Variants in PPFIA4 observed in about 807,000 individuals in gnomAD.
PPFIA4 encodes liprin-alpha-4.
Under a neutral mutation model 145.7 loss-of-function variants are expected in PPFIA4, and 98 were observed. The observed-to-expected ratio is 0.67, with a 90% CI of 0.57 to 0.80. The LOEUF is 0.80. Among genes scored for constraint, PPFIA4 ranks in the 30% least tolerant of loss-of-function variants. The probability of loss-of-function intolerance (pLI) is 0.00; values close to 1 mark genes in which losing one functional copy is unlikely to be tolerated. For synonymous variants in PPFIA4, 628 were observed against 649.6 expected, an observed-to-expected ratio of 0.97 and a Z score of 0.51; for missense variants, 1,457 against 1,632.7, an observed-to-expected ratio of 0.89 and a Z score of 1.85.
At chr1:203,046,506 C>A in intron 9 of PPFIA4, 124 bp downstream of exon 9, 1 of 1,160,918 alleles carries the variant, frequency 8.6e-7, no homozygotes. Flanking sequence ...TGCTTCCCGC[C>A]GTGTGATTCC....
intron 2 of PPFIA4, among the ~76,000 whole-genome samples, chr1:203,039,627 T>C (rs1324333638): frequency 6.6e-6 from 1 of 152,194 alleles, no homozygotes; most frequent in Non-Finnish European, 1.5e-5. Flanking sequence ...GATCATCTCG[T>C]CCAGCTCCGT....
intron 1 of PPFIA4, chr1:203,035,416 G>A (rs1571661044): frequency 2.3e-6 from 1 of 428,124 alleles, no homozygotes; most frequent in East Asian, 7.2e-5. Flanking sequence ...AGGTGGGGGT[G>A]ACTTTTGGGA....
At chr1:203,058,821 C>G (rs184614280) in intron 19 of PPFIA4, among the ~76,000 whole-genome samples, 3 of 152,268 alleles carry the variant, frequency 2.0e-5, no homozygotes. Flanking sequence ...TCTCTCTGAG[C>G]CTTGTAGCCC....
Position 203,066,024 on chromosome 1 carries a change from G to A in PPFIA4, c.3051-1671G>A, listed in dbSNP as rs891250049. ...GGCTGGCTAAGCCCTTGTATTTATT[G>A]TCACCTGCAAGAGAGGTGTGACCCC... On this transcript the variant is annotated intron_variant, in intron 25 of 29. Transcript: ENST00000295706. 5.9e-5 allele frequency among the ~76,000 whole-genome samples: 9 copies of A among 152,322 alleles called. No individual in the cohort carries two copies. The East Asian group carries it at 1.7e-3, about 29-fold the overall frequency.
At chr1:203,051,183 A>G (rs1660477706) in intron 13 of PPFIA4, 1 of 985,168 alleles carries the variant, frequency 1.0e-6, no homozygotes, top group Non-Finnish European at 1.2e-6. Flanking sequence ...GGGGCAAAGT[A>G]TTTTCTCTGG....
chr1:203,035,805 CAG>C (rs36077533), intron 1 of PPFIA4, among the ~76,000 whole-genome samples: 1 of 151,904 alleles, frequency 6.6e-6, no homozygotes, highest in East Asian at 1.9e-4. Context: ...TTCTGTGTAG[CAG>C]AGAGGACAGG....
chr1:203,068,722 G>A lies in PPFIA4; in HGVS notation c.3324+94G>A, dbSNP rs1018382214. ...TCATACACAAAGGCTTAGGTATCTT[G>A]GGGGGTGGGGAGCTTTTCTAGGGCC... On this transcript the variant is annotated intron_variant, in intron 27 of 29. Coordinates refer to ENST00000295706, the MANE Select transcript of PPFIA4 (RefSeq NM_001304331.2). The surrounding 1 kb of genome is among the most constrained non-coding windows in gnomAD (Gnocchi z 4.7). The A allele has an allele frequency of 1.9e-5, 25 of 1,295,722 alleles. No homozygotes were observed. The highest frequency in any genetic ancestry group is 1.4e-4 in the Admixed American group (4 of 27,600). 80.3% of individuals were successfully genotyped at this position (1,295,722 alleles called of 1,614,324 possible).
In PPFIA4 at chr1:203,036,922, C is replaced by G. The variant is rs141748727; in HGVS notation, c.-399-1688C>G. Among the ~76,000 whole-genome samples, 508 of 152,336 alleles carry G rather than the reference C, an allele frequency of 3.3e-3. 3 individuals carry two copies. Among genetic ancestry groups the G allele is most frequent in the African/African-American group, 0.012 (486 of 41,568 alleles). On this transcript the variant is annotated intron_variant, in intron 1 of 29. Transcript: ENST00000295706. ...CTGGCTTGGGGAAGGATCCCCTTGA[C>G]CAGAGTTTGTGTCCAGTTTCTATGC...
chr1:203,036,084 G>A lies in PPFIA4; in HGVS notation c.-399-2526G>A, dbSNP rs551037372. Among the ~76,000 whole-genome samples the A allele has an allele frequency of 2.0e-4, 30 of 152,310 alleles. 1 individual carries two copies. The South Asian group carries it at 6.0e-3, about 31-fold the overall frequency. On this transcript the variant is annotated intron_variant, in intron 1 of 29. Transcript: ENST00000295706. ...CTCACAGTGGGCAGCCTGAGGTCCT[G>A]TTCTTCCTTCCTGAGAACTTCTCCA... is the stretch of plus-strand genomic sequence containing the variant.
At chr1:203,056,055 C>T (rs1048988313) in intron 16 of PPFIA4, 65 bp from the exon 17 acceptor site, 41 of 1,569,186 alleles carry the variant, frequency 2.6e-5, no homozygotes, top group Non-Finnish European at 3.6e-5. Flanking sequence ...CACTGGGCTC[C>T]CCTGGGGTTG....
rs948414279 is a variant in PPFIA4, at chr1:203,068,764, G to A, written c.3324+136G>A. On this transcript the variant is annotated intron_variant, in intron 27 of 29. Coordinates refer to ENST00000295706, the MANE Select transcript of PPFIA4 (RefSeq NM_001304331.2). The surrounding 1 kb of genome is among the most constrained non-coding windows in gnomAD (Gnocchi z 4.7). ...TCTAGGGCCTATGCCAGAGGGGATC[G>A]CAATGTCCTCAATTCTCCAAGTGAT... The A allele has an allele frequency of 3.1e-5, 28 of 895,844 alleles. No individual in the cohort carries two copies. The highest frequency in any genetic ancestry group is 2.5e-4 in the African/African-American group (14 of 56,576). The allele number at this position is 895,844 out of a possible 1,614,324, so 55.5% of individuals were successfully genotyped here.
chr1:203,059,144 G>C (rs1661186356), intron 19 of PPFIA4, 34 bp from the exon 20 acceptor site: 1 of 1,449,372 alleles, frequency 6.9e-7, no homozygotes, highest in Non-Finnish European at 9.5e-7. Context: ...AGAGGCAGAG[G>C]GGCTGGCTGA....
intron 13 of PPFIA4, among the ~76,000 whole-genome samples, chr1:203,050,677 G>A (rs1411780156): frequency 3.3e-5 from 5 of 152,144 alleles, no homozygotes; most frequent in African/African-American, 4.8e-5. Flanking sequence ...AGAAGCCCAC[G>A]GGTGTCTGGG....
rs763066239 is a variant in PPFIA4 at position 203,044,110 on chromosome 1, G to A, written c.501+15G>A. 18 of 1,559,424 alleles carry A rather than the reference G, an allele frequency of 1.2e-5. No individual in the cohort carries two copies. In the East Asian group the frequency reaches 1.4e-4, roughly 12 times the overall value. On this transcript the variant is annotated intron_variant, in intron 4 of 29. Coordinates refer to ENST00000295706, the MANE Select transcript of PPFIA4 (RefSeq NM_001304331.2). ...TGGATGAGAAGGTGCCCACCTGCCC[G>A]CCAGCCCCCACATCCAGCCAGGCTG...
chr1:203,052,815 A>G (rs757656866), intron 14 of PPFIA4, among the ~76,000 whole-genome samples: 1 of 152,164 alleles, frequency 6.6e-6, no homozygotes, highest in Non-Finnish European at 1.5e-5. Flanking sequence ...ATAGGTTTGT[A>G]GGATGATTTC....
In PPFIA4 at chr1:203,055,294, G is replaced by T. The variant is rs1660845726; in HGVS notation, c.1830-138G>T. 1 of 1,129,700 alleles carries T rather than the reference G, an allele frequency of 8.9e-7. No homozygotes were observed. Among genetic ancestry groups the T allele is most frequent in the South Asian group, 1.5e-5 (1 of 68,168 alleles). 70.0% of individuals were successfully genotyped at this position (1,129,700 alleles called of 1,614,324 possible). On this transcript the variant is annotated intron_variant, in intron 15 of 29. Coordinates refer to ENST00000295706, the MANE Select transcript of PPFIA4 (RefSeq NM_001304331.2). This position sits in a 1 kb window ranked among gnomAD's most constrained non-coding sequence, Gnocchi z 4.8. ...TAACAAGAAAGAGATGTGTTTCTAA[G>T]CTCCAGTGGGACAGACAAAGCCTGG...
At chr1:203,066,116 A>G (rs1012906914) in intron 25 of PPFIA4, among the ~76,000 whole-genome samples, 2 of 152,224 alleles carry the variant, frequency 1.3e-5, no homozygotes, top group South Asian at 2.1e-4. Flanking sequence ...TATTTTTGCC[A>G]TGGTATGCAG....
Position 203,076,447 on chromosome 1 carries a change from G to A in PPFIA4, c.*57G>A. On this transcript the variant is annotated 3_prime_UTR_variant, in exon 30 of 30. Transcript: ENST00000295706. ...GGGTTTCACAGGCTCCTCTGGCCCT[G>A]ACCCCTCTTGCTCGTTCCCCTTCCT... The A allele has an allele frequency of 1.3e-6, 2 of 1,518,466 alleles. No individual in the cohort carries two copies. Among genetic ancestry groups the A allele is most frequent in the Non-Finnish European group, 1.8e-6 (2 of 1,100,644 alleles). 94.1% of individuals were successfully genotyped at this position (1,518,466 alleles called of 1,614,324 possible).
In PPFIA4 at chr1:203,048,628, T is replaced by G. The variant is rs751290220; in HGVS notation, c.1270T>G (p.Ser424Ala). Residue 424 changes from serine to alanine, a missense_variant, in exon 11 of 30, where the codon TCG becomes GCG. Transcript: ENST00000295706. This position sits in a 1 kb window ranked among gnomAD's most constrained non-coding sequence, Gnocchi z 5.8. The stretch of plus-strand genomic sequence containing the variant: ...GAATGAGGACCACAACAAGCGGCTG[T>G]CGGACACAGTGGACCGGCTGCTCAG... Reference protein sequence around the residue: ...KMNEDHNKRLSDTVDRLLSES... With the variant: ...KMNEDHNKRLADTVDRLLSES... 1.2e-6 allele frequency: 2 copies of G among 1,602,288 alleles called. No homozygotes were observed. The highest frequency in any genetic ancestry group is 1.7e-4 in the Middle Eastern group (1 of 6,038).
Sources: allele counts gnomAD v4.1 joint callset (sites outside exome capture counted in the v4.1 genomes callset), GRCh38; gene constraint gnomAD v4.1.1; non-coding constraint Gnocchi (gnomAD v3.1); transcripts MANE v1.5; gene names NCBI Gene and HGNC (gene_info 2026-07-23, HGNC 2026-07-21).